ARL15: variants seen among roughly 807,000 people sequenced by gnomAD.
ARL15 encodes the protein ADP-ribosylation factor-like protein 15.
In ARL15, 19 loss-of-function variants were observed where a neutral mutation model predicts 25.2. The observed-to-expected ratio is 0.75, with a 90% CI of 0.53 to 1.10. The LOEUF is 1.10. ARL15 is among the 50% of genes least tolerant of loss of function. ARL15 has a pLI of 0.00. For synonymous variants in ARL15, 94 were observed against 86.8 expected (o/e 1.08, Z -0.46); for missense variants, 220 against 246.0 (o/e 0.89, Z 0.71).
At chr5:54,180,237 T>C (rs1014518390) in intron 1 of ARL15, among the ~76,000 whole-genome samples, 1 of 151,884 alleles carries the variant, frequency 6.6e-6, no homozygotes, top group Non-Finnish European at 1.5e-5. Context: ...TAGGAGGAAA[T>C]ATATGAATAA....
intron 4 of ARL15, among the ~76,000 whole-genome samples, chr5:54,020,871 C>T (rs1204939779): frequency 6.6e-6 from 1 of 151,898 alleles, no homozygotes; most frequent in East Asian, 1.9e-4. Context: ...AGGAGAATCG[C>T]TTGAATCCAG....
At chr5:53,899,385 A>T (rs1257999606) in intron 4 of ARL15, among the ~76,000 whole-genome samples, 1 of 119,716 alleles carries the variant, frequency 8.4e-6, no homozygotes, top group Non-Finnish European at 1.8e-5. Context: ...AAAAAAAAAA[A>T]AATAGATTTG....
chr5:54,092,695 A>T (rs963528808), intron 4 of ARL15, among the ~76,000 whole-genome samples: 3 of 152,134 alleles, frequency 2.0e-5, no homozygotes, highest in African/African-American at 7.2e-5. Flanking sequence ...TCACCAGGGC[A>T]CCAAGCCTCG....
chr5:54,181,686 C>T (rs1755063625), intron 1 of ARL15, among the ~76,000 whole-genome samples: 1 of 152,138 alleles, frequency 6.6e-6, no homozygotes, highest in Non-Finnish European at 1.5e-5. Flanking sequence ...GTAATCCCAG[C>T]ACTTTAGGAG....
chr5:54,186,525 C>G (rs1017656306), intron 1 of ARL15, among the ~76,000 whole-genome samples: 1 of 152,288 alleles, frequency 6.6e-6, no homozygotes, highest in Non-Finnish European at 1.5e-5. Flanking sequence ...GCTGAACACA[C>G]AGATAAAGGC....
At chr5:54,062,353 A>G (rs924560421) in intron 4 of ARL15, among the ~76,000 whole-genome samples, 2 of 152,088 alleles carry the variant, frequency 1.3e-5, no homozygotes, top group African/African-American at 4.8e-5. Flanking sequence ...GGGAGGGGCC[A>G]GCGGCAGAAC....
rs559351520 is a variant in ARL15 at position 54,126,835 on chromosome 5, T to A, written c.254-13425A>T. Among the ~76,000 whole-genome samples the A allele has an allele frequency of 2.5e-4, 38 of 152,094 alleles. No individual in the cohort carries two copies. In the East Asian group the frequency reaches 3.5e-3, roughly 14 times the overall value. On this transcript the variant is annotated intron_variant, in intron 3 of 4. Coordinates refer to ENST00000504924, the MANE Select transcript of ARL15 (RefSeq NM_019087.3). ...CTTTTTTTAAATTTTTGTATTTTTT[T>A]AATTTATTTTTATTTTATTTTATTA...
At chr5:54,004,129 A>C (rs10940353) in intron 4 of ARL15, among the ~76,000 whole-genome samples, 42,917 of 152,036 alleles carry the variant, frequency 0.28, 6,294 homozygotes, top group East Asian at 0.46. Context: ...ACTTTGCTTA[A>C]TACTGGACAA....
intron 4 of ARL15, among the ~76,000 whole-genome samples, chr5:54,057,562 C>T (rs1484620974): frequency 6.6e-6 from 1 of 152,168 alleles, no homozygotes; most frequent in African/African-American, 2.4e-5. Context: ...TTAAAGCATA[C>T]TATTGATGGG....
chr5:54,095,971 A>G (rs1752272402), intron 4 of ARL15, among the ~76,000 whole-genome samples: 1 of 152,218 alleles, frequency 6.6e-6, no homozygotes, highest in African/African-American at 2.4e-5. Flanking sequence ...ATGAAAGAGC[A>G]TATCACACAA....
chr5:54,138,430 C>T (rs1246645907), intron 3 of ARL15, among the ~76,000 whole-genome samples: 1 of 152,148 alleles, frequency 6.6e-6, no homozygotes, highest in Admixed American at 6.5e-5. Flanking sequence ...AAAAGGACAT[C>T]TTATTTAATA....
chr5:54,090,466 G>A (rs764909853), intron 4 of ARL15, among the ~76,000 whole-genome samples: 1 of 151,618 alleles, frequency 6.6e-6, no homozygotes, highest in South Asian at 2.1e-4. Context: ...TCAAGGCAGT[G>A]GTTACTTCTA....
chr5:54,227,159 G>A (rs1221472759), intron 1 of ARL15, among the ~76,000 whole-genome samples: 1 of 152,144 alleles, frequency 6.6e-6, no homozygotes, highest in Non-Finnish European at 1.5e-5. Flanking sequence ...CAAACAAGAT[G>A]GCAAAGTAAC....
intron 4 of ARL15, among the ~76,000 whole-genome samples, chr5:53,924,756 T>A (rs555825353): frequency 6.6e-6 from 1 of 152,340 alleles, no homozygotes; most frequent in East Asian, 1.9e-4. Flanking sequence ...GGGACTTTGG[T>A]TCTCTCCCAA....
At position 54,267,700 on chromosome 5, in the gene ARL15, A is replaced by G. The variant is rs547897766; in HGVS notation, c.48+42732T>C. Among the ~76,000 whole-genome samples the G allele has an allele frequency of 2.6e-5, 4 of 152,286 alleles. No homozygotes were observed. In the East Asian group the frequency reaches 7.7e-4, roughly 29 times the overall value. ...TCTCTCAGCATTAGCTTGTCTGTAA[A>G]GAATTTTATTTCTCCTTCACTTATG... On this transcript the variant is annotated intron_variant, in intron 1 of 4. Transcript: ENST00000504924.
chr5:54,123,791 T>C (rs531710581), intron 3 of ARL15, among the ~76,000 whole-genome samples: 41 of 152,346 alleles, frequency 2.7e-4, no homozygotes, highest in African/African-American at 8.7e-4. Context: ...TGCATCTTAC[T>C]GTCTCAAGAG....
chr5:54,137,783 T>A (rs1197924844), intron 3 of ARL15, among the ~76,000 whole-genome samples: 1 of 152,128 alleles, frequency 6.6e-6, no homozygotes, highest in Non-Finnish European at 1.5e-5. Context: ...ATATTCCCAA[T>A]GAAATTTAAT....
At chr5:53,930,788 T>C (rs927024977) in intron 4 of ARL15, among the ~76,000 whole-genome samples, 2 of 152,152 alleles carry the variant, frequency 1.3e-5, no homozygotes, top group Non-Finnish European at 2.9e-5. Flanking sequence ...ATAGAAAAGA[T>C]GCAGGTCGGT....
chr5:54,205,338 T>A (rs1448598824), intron 1 of ARL15, among the ~76,000 whole-genome samples: 1 of 152,170 alleles, frequency 6.6e-6, no homozygotes, highest in Non-Finnish European at 1.5e-5. Context: ...GATCTGGGAT[T>A]TGAACACGAG....
Sources: allele counts gnomAD v4.1 joint callset (sites outside exome capture counted in the v4.1 genomes callset), GRCh38; gene constraint gnomAD v4.1.1; transcripts MANE v1.5; gene names NCBI Gene and HGNC (gene_info 2026-07-23, HGNC 2026-07-21).